The following ANKRD30A variants were observed in gnomAD, a reference collection of about 807,000 sequenced individuals.
ANKRD30A encodes the protein ankyrin repeat domain 30A.
In ANKRD30A, 170 loss-of-function variants were observed where a neutral mutation model predicts 166.3. That is an observed-to-expected ratio of 1.02 (90% CI 0.90 to 1.16). The LOEUF is 1.16. ANKRD30A is among the 50% of genes most tolerant of loss of function. The pLI, the probability that ANKRD30A is intolerant of heterozygous loss-of-function variation, is 0.00. For synonymous variants in ANKRD30A, 564 were observed against 508.9 expected, an observed-to-expected ratio of 1.11 and a Z score of -1.46; for missense variants, 1,630 against 1,518.0, an observed-to-expected ratio of 1.07 and a Z score of -1.23.
intron 18 of ANKRD30A, 113 bp downstream of exon 18, chr10:37,165,268 T>G: frequency 9.7e-7 from 1 of 1,034,708 alleles, no homozygotes; most frequent in Non-Finnish European, 1.4e-6. Context: ...TCAAATTATT[T>G]TTGATGTTTT....
intron 31 of ANKRD30A, among the ~76,000 whole-genome samples, chr10:37,208,414 C>T (rs188021951): frequency 1.5e-3 from 223 of 152,202 alleles, no homozygotes; most frequent in African/African-American, 5.0e-3. Flanking sequence ...GAGTTCCTAC[C>T]GGTAAAACAA....
intron 25 of ANKRD30A, among the ~76,000 whole-genome samples, chr10:37,191,242 G>C (rs1327284785): frequency 6.6e-6 from 1 of 151,770 alleles, no homozygotes; most frequent in Non-Finnish European, 1.5e-5. Context: ...TTACAAAAAT[G>C]TTGGCATACT....
At chr10:37,246,978 T>C in the ANKRD30A span, among the ~76,000 whole-genome samples, 1 of 152,204 alleles carries the variant, frequency 6.6e-6, no homozygotes, top group East Asian at 1.9e-4. Context: ...TTTAGCTCTT[T>C]GGGAGACCGA....
intron 15 of ANKRD30A, among the ~76,000 whole-genome samples, chr10:37,160,626 T>C (rs1030832139): frequency 6.6e-6 from 1 of 152,164 alleles, no homozygotes; most frequent in Non-Finnish European, 1.5e-5. Context: ...TAAAAAAATA[T>C]AAATCAAACA....
At chr10:37,230,674 C>T (rs1204002489) in intron 34 of ANKRD30A, among the ~76,000 whole-genome samples, 1 of 152,088 alleles carries the variant, frequency 6.6e-6, no homozygotes, top group Non-Finnish European at 1.5e-5. Flanking sequence ...GGTAAATTAA[C>T]TTTCTTTGAT....
chr10:37,158,252 C>A (rs1265394841), intron 13 of ANKRD30A, 140 bp from the exon 14 acceptor site: 26 of 1,371,402 alleles, frequency 1.9e-5, no homozygotes, highest in Middle Eastern at 2.7e-4. Context: ...AATACAATAA[C>A]CCAAAAGACC....
intron 34 of ANKRD30A, among the ~76,000 whole-genome samples, chr10:37,224,553 A>T (rs1164615209): frequency 6.6e-6 from 1 of 151,260 alleles, no homozygotes; most frequent in Non-Finnish European, 1.5e-5. Flanking sequence ...AAAAGAGTAA[A>T]TGAGTAATTG....
At chr10:37,190,288 G>T (rs529875890) in intron 25 of ANKRD30A, among the ~76,000 whole-genome samples, 32 of 151,800 alleles carry the variant, frequency 2.1e-4, no homozygotes, top group Non-Finnish European at 4.3e-4. Flanking sequence ...TGATGCTGGT[G>T]GTCCTTGGAC....
chr10:37,164,954 T>C (rs1335297811), intron 17 of ANKRD30A, 140 bp from the exon 18 acceptor site: 1 of 818,650 alleles, frequency 1.2e-6, no homozygotes, highest in Non-Finnish European at 2.0e-6. Flanking sequence ...ATAGAAGTAG[T>C]CATTGTAATC....
At chr10:37,219,988 AAT>A (rs71007624) in intron 34 of ANKRD30A, 91 bp downstream of exon 34, 2,822 of 187,458 alleles carry the variant, frequency 0.015, 38 homozygotes, top group African/African-American at 0.035. Flanking sequence ...AATCTAGTTG[AAT>A]ATATATATAT....
chr10:37,218,809 G>A (rs1000419741), intron 33 of ANKRD30A, among the ~76,000 whole-genome samples, 171 bp from the exon 34 acceptor site: 9 of 150,414 alleles, frequency 6.0e-5, no homozygotes, highest in Admixed American at 5.3e-4. Flanking sequence ...TGAACTTTGG[G>A]GAATTTATGC....
chr10:37,153,128 C>G (rs17590293), intron 12 of ANKRD30A, among the ~76,000 whole-genome samples: 2 of 152,102 alleles, frequency 1.3e-5, no homozygotes, highest in Non-Finnish European at 1.5e-5. Context: ...TGACATGCAT[C>G]ATTTTTAACA....
At position 37,192,148 on chromosome 10, in the gene ANKRD30A, C is replaced by A. The variant is rs532249735; in HGVS notation, c.2513-916C>A. On this transcript the variant is annotated intron_variant, in intron 25 of 35. Coordinates refer to ENST00000361713, the MANE Select transcript of ANKRD30A (RefSeq NM_052997.3). ...ACCTCCTGGGTTCAAGTGATTCTGG[C>A]ACCTCAGGCACCCAAGTAGCTGAGA... Among the ~76,000 whole-genome samples, 3 of 151,950 alleles carry A rather than the reference C, an allele frequency of 2.0e-5. 1 individual carries two copies. Among genetic ancestry groups the A allele is most frequent in the Non-Finnish European group, 4.4e-5 (3 of 68,006 alleles).
In ANKRD30A at chr10:37,191,426, C is replaced by A. The variant is rs538913774; in HGVS notation, c.2513-1638C>A. Among the ~76,000 whole-genome samples the A allele has an allele frequency of 7.9e-5, 12 of 151,982 alleles. 1 individual carries two copies. The highest frequency in any genetic ancestry group is 6.5e-4 in the Admixed American group (10 of 15,276). The stretch of plus-strand genomic sequence containing the variant: ...CTCAATGACAGGACATATTAAAGAA[C>A]ATGATGAATGTTTGTAATGCAATGA... On this transcript the variant is annotated intron_variant, in intron 25 of 35. Transcript: ENST00000361713.
chr10:37,219,438 G>T lies in ANKRD30A; in HGVS notation c.3726G>T (p.Thr1242=). The T allele has an allele frequency of 6.2e-7, 1 of 1,610,282 alleles. No homozygotes were observed. Among genetic ancestry groups the T allele is most frequent in the Non-Finnish European group, 8.5e-7 (1 of 1,177,648 alleles). Reference sequence around the variant, plus strand: ...AAATGAATGTTGATGTGAGTAGTACGATATATAACAATGAGGTGCTCCATC... The same window carrying T: ...AAATGAATGTTGATGTGAGTAGTACTATATATAACAATGAGGTGCTCCATC... ...QRKMNVDVSS[T]IYNNEVLHQP... The change falls in exon 34 of 36, where the codon ACG becomes ACT. Residue 1242 remains threonine (T), a synonymous_variant. Transcript: ENST00000361713.
At chr10:37,128,428 G>A (rs752117729) in intron 1 of ANKRD30A, among the ~76,000 whole-genome samples, 3 of 151,836 alleles carry the variant, frequency 2.0e-5, no homozygotes, top group Non-Finnish European at 4.4e-5. Context: ...CTTCAGAAGA[G>A]AATCTTTTTA....
chr10:37,149,615 A>C, intron 9 of ANKRD30A, 36 bp from the exon 10 acceptor site: 2 of 1,603,632 alleles, frequency 1.2e-6, no homozygotes, highest in Non-Finnish European at 1.7e-6. Context: ...TGTCATACTT[A>C]CTTATGATTG....
chr10:37,195,764 C>T lies in ANKRD30A; in HGVS notation c.2615-1517C>T, dbSNP rs529384629. 1.8e-3 allele frequency among the ~76,000 whole-genome samples: 280 copies of T among 152,110 alleles called. 1 individual carries two copies. Among genetic ancestry groups the T allele is most frequent in the Non-Finnish European group, 3.2e-3 (217 of 67,994 alleles). ...AAAAAATTAGCCGGACGTGGTGGCA[C>T]GCATTTCTAATAATTTCTCAGGCGA... On this transcript the variant is annotated intron_variant, in intron 27 of 35. Transcript: ENST00000361713.
the ANKRD30A span, among the ~76,000 whole-genome samples, chr10:37,244,320 T>C: frequency 3.0e-3 from 463 of 152,244 alleles, 1 homozygote; most frequent in Non-Finnish European, 4.8e-3. Context: ...CATCCACTGT[T>C]AGTCAGACTG....
Sources: gnomAD v4.1 joint callset for allele counts (sites outside exome capture counted in the v4.1 genomes callset) on GRCh38, gnomAD v4.1.1 for gene constraint, MANE v1.5 for transcripts, NCBI Gene and HGNC (gene_info 2026-07-23, HGNC 2026-07-21) for gene names.